GALNT7: variants seen among roughly 807,000 people sequenced by gnomAD.
GALNT7 encodes the protein polypeptide N-acetylgalactosaminyltransferase 7.
Under a neutral mutation model 82.1 loss-of-function variants are expected in GALNT7, and 60 were observed. The observed-to-expected ratio is 0.73, with a 90% CI of 0.59 to 0.91. GALNT7 has a LOEUF of 0.91. GALNT7 is among the 40% of genes least tolerant of loss of function. GALNT7 has a pLI of 0.00. For synonymous variants in GALNT7, 243 were observed against 275.1 expected (o/e 0.88, Z 1.15); for missense variants, 660 against 804.2 (o/e 0.82, Z 2.17).
chr4:173,288,301 A>AAAAAAAAG (rs1289159201), intron 2 of GALNT7, among the ~76,000 whole-genome samples: 1 of 148,266 alleles, frequency 6.7e-6, no homozygotes, highest in African/African-American at 2.6e-5. Flanking sequence ...AAAAAAAAAA[A>AAAAAAAAG]AAAAGAAAAG....
At chr4:173,288,337 C>G (rs1005615034) in intron 2 of GALNT7, among the ~76,000 whole-genome samples, 1 of 148,976 alleles carries the variant, frequency 6.7e-6, no homozygotes. Flanking sequence ...TGGCTGTCCT[C>G]TTGACTGTTA....
At chr4:173,272,023 T>G (rs1198664706) in intron 2 of GALNT7, among the ~76,000 whole-genome samples, 11 of 152,174 alleles carry the variant, frequency 7.2e-5, no homozygotes, top group Non-Finnish European at 1.2e-4. Flanking sequence ...TATGGCTCAG[T>G]CTTTGTGCCC....
intron 2 of GALNT7, among the ~76,000 whole-genome samples, chr4:173,275,783 C>T (rs992832117): frequency 6.6e-6 from 1 of 152,160 alleles, no homozygotes; most frequent in Non-Finnish European, 1.5e-5. Context: ...AGTTCAGATG[C>T]AGTAACCTGC....
chr4:173,240,796 C>T (rs2126725910), intron 1 of GALNT7, among the ~76,000 whole-genome samples: 1 of 152,214 alleles, frequency 6.6e-6, no homozygotes, highest in East Asian at 1.9e-4. Context: ...CTGTTTAACC[C>T]TTGTTTGGCT....
intron 1 of GALNT7, among the ~76,000 whole-genome samples, chr4:173,210,620 A>G (rs1387033276): frequency 6.6e-6 from 1 of 151,560 alleles, no homozygotes; most frequent in Non-Finnish European, 1.5e-5. Context: ...TTTTGTAGAC[A>G]CGGGGTTTCA....
At chr4:173,196,041 G>GA (rs1297200425) in intron 1 of GALNT7, among the ~76,000 whole-genome samples, 3 of 151,800 alleles carry the variant, frequency 2.0e-5, no homozygotes, top group East Asian at 1.9e-4. Context: ...ATTAATAGGG[G>GA]AAAAAAATCT....
chr4:173,257,949 C>T (rs1368780508), intron 2 of GALNT7, among the ~76,000 whole-genome samples: 2 of 152,108 alleles, frequency 1.3e-5, no homozygotes, highest in Non-Finnish European at 2.9e-5. Flanking sequence ...CTCCAGAGTC[C>T]ACACGTGGTA....
intron 1 of GALNT7, among the ~76,000 whole-genome samples, chr4:173,223,598 G>T (rs76117835): frequency 6.7e-6 from 1 of 148,398 alleles, no homozygotes; most frequent in African/African-American, 2.5e-5. Flanking sequence ...CCCACCCCCC[G>T]CAGTCCAAAA....
chr4:173,257,052 C>A lies in GALNT7; in HGVS notation c.587+8612C>A, dbSNP rs369663628. ...AAACTCCAGATGACTTCACTCTTTA[C>A]ATTTACACATGTAGATCTTTACCTC... On this transcript the variant is annotated intron_variant, in intron 2 of 11. Coordinates refer to ENST00000265000, the MANE Select transcript of GALNT7 (RefSeq NM_017423.3). Among the ~76,000 whole-genome samples, 41 of 152,354 alleles carry A rather than the reference C, an allele frequency of 2.7e-4. 1 individual carries two copies. The East Asian group carries it at 5.2e-3, about 19-fold the overall frequency.
At chr4:173,211,979 T>C (rs1271452998) in intron 1 of GALNT7, among the ~76,000 whole-genome samples, 3 of 152,202 alleles carry the variant, frequency 2.0e-5, no homozygotes, top group East Asian at 1.9e-4. Context: ...CTGCCAGATA[T>C]CAGCAGGCAG....
intron 2 of GALNT7, among the ~76,000 whole-genome samples, chr4:173,271,707 T>G (rs1441949710): frequency 1.3e-5 from 2 of 152,144 alleles, no homozygotes; most frequent in East Asian, 3.8e-4. Flanking sequence ...TCCACCCACC[T>G]CAACCTCCCA....
intron 2 of GALNT7, among the ~76,000 whole-genome samples, chr4:173,277,830 G>GTTT (rs1448881652): frequency 2.0e-4 from 30 of 152,196 alleles, no homozygotes; most frequent in African/African-American, 7.0e-4. Flanking sequence ...TTCCTTCTTA[G>GTTT]TTATCTGCAG....
intron 1 of GALNT7, among the ~76,000 whole-genome samples, chr4:173,180,191 G>A (rs1342490177): frequency 6.6e-6 from 1 of 151,924 alleles, no homozygotes; most frequent in African/African-American, 2.4e-5. Context: ...GACAGGAACA[G>A]TCTAATTACG....
intron 3 of GALNT7, among the ~76,000 whole-genome samples, chr4:173,294,277 T>C (rs1736641633): frequency 6.9e-6 from 1 of 144,526 alleles, no homozygotes; most frequent in African/African-American, 2.9e-5. Context: ...ATAAAGGCTT[T>C]TTTTTTTTTT....
At chr4:173,232,003 A>T (rs950937329) in intron 1 of GALNT7, among the ~76,000 whole-genome samples, 1 of 152,208 alleles carries the variant, frequency 6.6e-6, no homozygotes, top group Non-Finnish European at 1.5e-5. Flanking sequence ...TATCACTGGA[A>T]CTAGAGCAGA....
At chr4:173,294,493 A>C (rs1351853431) in intron 3 of GALNT7, among the ~76,000 whole-genome samples, 1 of 152,142 alleles carries the variant, frequency 6.6e-6, no homozygotes. Flanking sequence ...CCATTTAGCC[A>C]CTAACTCATC....
intron 1 of GALNT7, among the ~76,000 whole-genome samples, chr4:173,204,011 A>G (rs575923539): frequency 6.6e-6 from 1 of 152,334 alleles, no homozygotes; most frequent in South Asian, 2.1e-4. Flanking sequence ...TTCTTATAAG[A>G]CAAGACTAGT....
intron 1 of GALNT7, among the ~76,000 whole-genome samples, chr4:173,246,814 G>A (rs536859053): frequency 3.3e-5 from 5 of 152,018 alleles, no homozygotes; most frequent in South Asian, 2.1e-4. Context: ...GATTTTGGTC[G>A]GGTGGTGCTA....
chr4:173,246,945 A>G lies in GALNT7; in HGVS notation c.127-1035A>G, dbSNP rs1734657367. Reference sequence around the variant, plus strand: ...TGCCTCTTCACCAGCTGTGTCCTCTATAATCCCCTTGTCTAATTATAACGA... The same window carrying G: ...TGCCTCTTCACCAGCTGTGTCCTCTGTAATCCCCTTGTCTAATTATAACGA... On this transcript the variant is annotated intron_variant, in intron 1 of 11. Transcript: ENST00000265000. Among the ~76,000 whole-genome samples, 3 of 152,080 alleles carry G rather than the reference A, an allele frequency of 2.0e-5. No individual in the cohort carries two copies. The South Asian group carries it at 6.2e-4, about 32-fold the overall frequency.
Sources: allele counts gnomAD v4.1 joint callset (sites outside exome capture counted in the v4.1 genomes callset), GRCh38; gene constraint gnomAD v4.1.1; transcripts MANE v1.5; gene names NCBI Gene and HGNC (gene_info 2026-07-23, HGNC 2026-07-21).